The following TMEM207 variants were observed in gnomAD, a reference collection of about 807,000 sequenced individuals.
TMEM207 encodes the protein SRSR846.
Under a neutral mutation model 17.4 loss-of-function variants are expected in TMEM207, and 15 were observed. The observed-to-expected ratio is 0.86, with a 90% CI of 0.58 to 1.33. The LOEUF (loss-of-function observed/expected upper bound fraction) is 1.33, where lower values mean the gene tolerates loss of function less well. Ranked by LOEUF, TMEM207 falls within the 40% of genes most tolerant of loss-of-function variation. The pLI, the probability that TMEM207 is intolerant of heterozygous loss-of-function variation, is 0.00. For synonymous variants in TMEM207, 70 were observed against 65.6 expected (o/e 1.07, Z -0.33); for missense variants, 205 against 173.8 (o/e 1.18, Z -1.01).
In TMEM207 at chr3:190,447,303, C is replaced by T. The variant is rs867048985; in HGVS notation, c.113+487G>A. Among the ~76,000 whole-genome samples the T allele has an allele frequency of 4.0e-4, 61 of 152,180 alleles. No homozygotes were observed. In the Middle Eastern group the frequency reaches 0.01, roughly 25 times the overall value. The stretch of plus-strand genomic sequence containing the variant: ...ATTCTGAGAACCATTAAGTCTATCG[C>T]ACAAAAAGTGAAAAAATTGAGTCAA... On this transcript the variant is annotated intron_variant, in intron 2 of 4. Coordinates refer to ENST00000354905, the MANE Select transcript of TMEM207 (RefSeq NM_207316.3).
intron 4 of TMEM207, 147 bp downstream of exon 4, chr3:190,440,097 A>T: frequency 3.4e-6 from 3 of 885,504 alleles, no homozygotes; most frequent in Non-Finnish European, 4.9e-6. Flanking sequence ...TTTCTCCCTT[A>T]AACTCTCCTC....
chr3:190,431,831 A>G (rs1485781448), intron 4 of TMEM207, among the ~76,000 whole-genome samples: 1 of 152,228 alleles, frequency 6.6e-6, no homozygotes, highest in Non-Finnish European at 1.5e-5. Context: ...TTGCTTTCGT[A>G]GAAAACTCAT....
At chr3:190,429,858 G>GA (rs531715327) in intron 4 of TMEM207, 127 bp from the exon 5 acceptor site, 52 of 1,187,762 alleles carry the variant, frequency 4.4e-5, no homozygotes, top group Admixed American at 1.5e-4. Context: ...GTATCTATGA[G>GA]AAAAAAATTA....
chr3:190,449,640 G>A (rs1347656213), intron 1 of TMEM207, 95 bp downstream of exon 1: 24 of 1,089,608 alleles, frequency 2.2e-5, no homozygotes, highest in Non-Finnish European at 3.2e-5. Context: ...TGTAGAAGCA[G>A]TTAAGTTGCT....
chr3:190,449,345 T>C (rs1720113193), intron 1 of TMEM207, among the ~76,000 whole-genome samples: 2 of 152,198 alleles, frequency 1.3e-5, no homozygotes, highest in Admixed American at 6.5e-5. Flanking sequence ...TCAGTCAGCA[T>C]TGAAAAACTG....
Position 190,449,618 on chromosome 3 carries a change from A to T in TMEM207, c.75+117T>A, listed in dbSNP as rs1720117813. The T allele has an allele frequency of 3.0e-5, 27 of 886,120 alleles. No homozygotes were observed. The South Asian group carries it at 4.2e-4, about 14-fold the overall frequency. The allele number at this position is 886,120 out of a possible 1,614,324, so 54.9% of individuals were successfully genotyped here. A position where few individuals can be genotyped will look rare whatever the true frequency, so the allele number is the denominator to read the frequency against. On this transcript the variant is annotated intron_variant, in intron 1 of 4. Coordinates refer to ENST00000354905, the MANE Select transcript of TMEM207 (RefSeq NM_207316.3). ...ATAAGATGCTAGTAAAGCTTGAAGG[A>T]AATCTTTTAAATGTAGAAGCAGTTA...
At chr3:190,433,785 A>T (rs143523489) in intron 4 of TMEM207, among the ~76,000 whole-genome samples, 1 of 152,094 alleles carries the variant, frequency 6.6e-6, no homozygotes, top group Admixed American at 6.5e-5. Context: ...CCCAGTGTTG[A>T]AGACGGGGCC....
intron 4 of TMEM207, among the ~76,000 whole-genome samples, chr3:190,438,037 G>A (rs1719840737): frequency 7.2e-6 from 1 of 139,570 alleles, no homozygotes; most frequent in Admixed American, 7.9e-5. Context: ...TCATAGGTGG[G>A]AATTGAACAA....
chr3:190,437,514 T>C (rs1044308077), intron 4 of TMEM207, among the ~76,000 whole-genome samples: 8 of 152,172 alleles, frequency 5.3e-5, no homozygotes, highest in Non-Finnish European at 1.2e-4. Context: ...TTGACAGACG[T>C]AAAACAAATT....
rs762838959 is a variant in TMEM207, at chr3:190,440,408, G to A, written c.159-19C>T. On this transcript the variant is annotated intron_variant, in intron 3 of 4. Transcript: ENST00000354905. ...GAGGATCCTGACTCCAAAAGTAACC[G>A]AGAAAAGAATGAGGTAGAGTATGCA... The A allele has an allele frequency of 2.6e-5, 41 of 1,601,756 alleles. No individual in the cohort carries two copies. The highest frequency in any genetic ancestry group is 3.4e-5 in the Non-Finnish European group (40 of 1,175,394).
intron 4 of TMEM207, among the ~76,000 whole-genome samples, chr3:190,439,176 C>CAAAAAAAAAAAAA (rs772313119): frequency 1.7e-5 from 1 of 58,662 alleles, no homozygotes; most frequent in African/African-American, 6.8e-5. Flanking sequence ...GACTCCGTCT[C>CAAAAAAAAAAAAA]AAAAAAAAAA....
At chr3:190,443,253 T>C (rs528596118) in intron 2 of TMEM207, among the ~76,000 whole-genome samples, 3 of 152,108 alleles carry the variant, frequency 2.0e-5, no homozygotes, top group Admixed American at 1.3e-4. Context: ...CTTCCTTTAC[T>C]TTTTTTCTGT....
intron 4 of TMEM207, among the ~76,000 whole-genome samples, chr3:190,433,891 T>G (rs1163201193): frequency 6.6e-6 from 1 of 152,062 alleles, no homozygotes; most frequent in Non-Finnish European, 1.5e-5. Flanking sequence ...TCTCACGAGA[T>G]CTGATTGTTT....
At chr3:190,435,698 G>C (rs963505556) in intron 4 of TMEM207, among the ~76,000 whole-genome samples, 3 of 152,170 alleles carry the variant, frequency 2.0e-5, no homozygotes, top group African/African-American at 7.2e-5. Flanking sequence ...CCTATGAAGA[G>C]GAAGGAAGAC....
At chr3:190,446,123 C>G (rs1560109303) in intron 2 of TMEM207, among the ~76,000 whole-genome samples, 1 of 152,100 alleles carries the variant, frequency 6.6e-6, no homozygotes, top group Admixed American at 6.6e-5. Context: ...TCTTTACGGT[C>G]CTTTTCACTG....
At chr3:190,441,735 G>A (rs1719941729) in intron 2 of TMEM207, among the ~76,000 whole-genome samples, 1 of 152,134 alleles carries the variant, frequency 6.6e-6, no homozygotes, top group South Asian at 2.1e-4. Context: ...CATTATAATG[G>A]GTTTGATTCT....
rs1010078420 is a variant in TMEM207 at position 190,444,403 on chromosome 3, G to A, written c.114-2921C>T. The A allele has an allele frequency of 9.1e-5, 90 of 984,844 alleles. No homozygotes were observed. The African/African-American group carries it at 1.6e-3, about 17-fold the overall frequency. 61.0% of individuals were successfully genotyped at this position (984,844 alleles called of 1,614,324 possible). On this transcript the variant is annotated intron_variant, in intron 2 of 4. Transcript: ENST00000354905. ...TTATCACCATGTCGTGGTGCGACTG[G>A]GACAGTAATAGCCAGCTCTAACCTC... is the stretch of plus-strand genomic sequence containing the variant.
chr3:190,441,642 A>C (rs1719940640), intron 2 of TMEM207, among the ~76,000 whole-genome samples, 160 bp from the exon 3 acceptor site: 1 of 152,190 alleles, frequency 6.6e-6, no homozygotes, highest in East Asian at 1.9e-4. Context: ...ACAATTATGC[A>C]AATGTTTATG....
At position 190,433,045 on chromosome 3, in the gene TMEM207, G is replaced by T. The variant is rs534605475; in HGVS notation, c.305-3314C>A. Among the ~76,000 whole-genome samples, 14 of 152,266 alleles carry T rather than the reference G, an allele frequency of 9.2e-5. No individual in the cohort carries two copies. In the South Asian group the frequency reaches 2.1e-3, roughly 23 times the overall value. On this transcript the variant is annotated intron_variant, in intron 4 of 4. Transcript: ENST00000354905. ...ACACACTTCATGGCATAAAGGCAAAGGGACCCTTATTTAAATGTTATGTAA... is the reference window on the plus strand; with the variant it reads ...ACACACTTCATGGCATAAAGGCAAATGGACCCTTATTTAAATGTTATGTAA...
Sources: allele counts gnomAD v4.1 joint callset (sites outside exome capture counted in the v4.1 genomes callset), GRCh38; gene constraint gnomAD v4.1.1; transcripts MANE v1.5; gene names NCBI Gene and HGNC (gene_info 2026-07-23, HGNC 2026-07-21).